Variants in ARHGEF28 observed in about 807,000 individuals in gnomAD.
ARHGEF28 encodes the protein Rho guanine nucleotide exchange factor 28.
A neutral mutation model predicts 206.6 loss-of-function variants in ARHGEF28; 152 were observed. The observed-to-expected ratio is 0.74, with a 90% CI of 0.64 to 0.84. The LOEUF (loss-of-function observed/expected upper bound fraction) is 0.84, where lower values mean the gene tolerates loss of function less well. Ranked by LOEUF, ARHGEF28 falls within the 40% of genes least tolerant of loss-of-function variation. The pLI is 0.00. For missense variants in ARHGEF28, 2,028 were observed against 2,073.2 expected, an observed-to-expected ratio of 0.98 and a Z score of 0.42; for synonymous variants, 763 against 776.4, an observed-to-expected ratio of 0.98 and a Z score of 0.29.
At chr5:73,783,710 C>T (rs139761359) in intron 7 of ARHGEF28, among the ~76,000 whole-genome samples, 13 of 152,218 alleles carry the variant, frequency 8.5e-5, no homozygotes, top group Middle Eastern at 3.4e-3. Context: ...GGGAGAAGGA[C>T]GGTGTCTCCA....
chr5:73,799,799 A>G (rs1755028660), intron 9 of ARHGEF28, among the ~76,000 whole-genome samples: 1 of 152,166 alleles, frequency 6.6e-6, no homozygotes, highest in Admixed American at 6.5e-5. Context: ...ATAGGGAGAT[A>G]GAGACACTCC....
intron 7 of ARHGEF28, among the ~76,000 whole-genome samples, chr5:73,791,039 T>C (rs899514217): frequency 1.3e-5 from 2 of 152,244 alleles, no homozygotes; most frequent in African/African-American, 4.8e-5. Flanking sequence ...AATTAGTTAA[T>C]TCTAAAAAGT....
chr5:73,904,578 C>A (rs761332650), intron 33 of ARHGEF28, 173 bp downstream of exon 33: 5 of 649,584 alleles, frequency 7.7e-6, no homozygotes, highest in African/African-American at 7.3e-5. Context: ...TAATCAGAGG[C>A]AACACCATGA....
At chr5:73,925,542 CCAGT>C (rs1368507086) in intron 35 of ARHGEF28, among the ~76,000 whole-genome samples, 1 of 152,164 alleles carries the variant, frequency 6.6e-6, no homozygotes, top group East Asian at 1.9e-4. Flanking sequence ...TGTCTACTGT[CCAGT>C]CAGTTTTGTG....
At chr5:73,849,413 T>C (rs1260389279) in intron 13 of ARHGEF28, among the ~76,000 whole-genome samples, 1 of 152,094 alleles carries the variant, frequency 6.6e-6, no homozygotes, top group African/African-American at 2.4e-5. Context: ...GGATTTTATT[T>C]GAGTAAATTA....
chr5:73,677,126 G>A (rs1456106238), intron 1 of ARHGEF28, among the ~76,000 whole-genome samples: 1 of 152,206 alleles, frequency 6.6e-6, no homozygotes, highest in African/African-American at 2.4e-5. Context: ...AGCATTGAGT[G>A]GAGTGGAGGG....
At chr5:73,709,157 T>C (rs1449685695) in intron 2 of ARHGEF28, among the ~76,000 whole-genome samples, 2 of 152,228 alleles carry the variant, frequency 1.3e-5, no homozygotes, top group African/African-American at 4.8e-5. Flanking sequence ...TGCTACAGTC[T>C]ATGTTCCACT....
rs372267016 is a variant in ARHGEF28, at chr5:73,769,396, T to C, written c.476-4459T>C. Among the ~76,000 whole-genome samples, 20 of 152,348 alleles carry C rather than the reference T, an allele frequency of 1.3e-4. No homozygotes were observed. The South Asian group carries it at 3.7e-3, about 28-fold the overall frequency. On this transcript the variant is annotated intron_variant, in intron 4 of 35. Coordinates refer to ENST00000513042, the MANE Select transcript of ARHGEF28 (RefSeq NM_001177693.2). ...CTTTTCTTTACAGTGTTACAACGTA[T>C]GTATATATGCCTAAGTAATAATTTT... is the stretch of plus-strand genomic sequence containing the variant.
At chr5:73,854,177 A>G (rs1758876925) in intron 14 of ARHGEF28, among the ~76,000 whole-genome samples, 1 of 151,694 alleles carries the variant, frequency 6.6e-6, no homozygotes, top group Admixed American at 6.6e-5. Flanking sequence ...ATCTTGTTGG[A>G]TATGCCAATA....
At chr5:73,804,829 C>G (rs1755347272) in intron 9 of ARHGEF28, among the ~76,000 whole-genome samples, 1 of 152,030 alleles carries the variant, frequency 6.6e-6, no homozygotes, top group Admixed American at 6.6e-5. Context: ...TTGATATTGA[C>G]CTTGATCACC....
At chr5:73,815,992 C>A (rs137995144) in intron 9 of ARHGEF28, among the ~76,000 whole-genome samples, 2 of 152,094 alleles carry the variant, frequency 1.3e-5, no homozygotes, top group Admixed American at 6.6e-5. Context: ...TGCTGTAATG[C>A]GAGCTGGACA....
chr5:73,733,479 C>T (rs1212944595), intron 2 of ARHGEF28, among the ~76,000 whole-genome samples: 1 of 152,126 alleles, frequency 6.6e-6, no homozygotes, highest in East Asian at 1.9e-4. Flanking sequence ...CTGACTTAAC[C>T]ATGATGCTCT....
At chr5:73,643,787 CCTGGGA>C (rs1415525803) in intron 1 of ARHGEF28, among the ~76,000 whole-genome samples, 1 of 145,618 alleles carries the variant, frequency 6.9e-6, no homozygotes, top group African/African-American at 2.7e-5. Flanking sequence ...TGCACTCCAG[CCTGGGA>C]AAAAGGGTGA....
intron 13 of ARHGEF28, among the ~76,000 whole-genome samples, chr5:73,852,121 A>C (rs1758740219): frequency 1.3e-5 from 2 of 152,146 alleles, no homozygotes; most frequent in Admixed American, 6.5e-5. Context: ...AGTCCAATGA[A>C]AAAAATGGTC....
intron 1 of ARHGEF28, among the ~76,000 whole-genome samples, chr5:73,630,672 T>A (rs1011965296): frequency 6.6e-6 from 1 of 152,206 alleles, no homozygotes; most frequent in Non-Finnish European, 1.5e-5. Context: ...GCTTTCCAGT[T>A]TTGTGACCTT....
chr5:73,919,950 T>C (rs548677622), intron 35 of ARHGEF28, among the ~76,000 whole-genome samples: 1 of 152,230 alleles, frequency 6.6e-6, no homozygotes, highest in Non-Finnish European at 1.5e-5. Flanking sequence ...TATTTCTCTC[T>C]TGTTAACTGC....
intron 2 of ARHGEF28, among the ~76,000 whole-genome samples, chr5:73,692,180 A>G (rs184745570): frequency 7.9e-5 from 12 of 152,280 alleles, no homozygotes; most frequent in African/African-American, 2.2e-4. Context: ...TATTTCTCCC[A>G]TTTCTCAAAT....
intron 2 of ARHGEF28, among the ~76,000 whole-genome samples, chr5:73,716,777 A>C (rs1749615771): frequency 6.6e-6 from 1 of 152,182 alleles, no homozygotes; most frequent in Non-Finnish European, 1.5e-5. Context: ...CTTGGAGAAA[A>C]TGTCTGTTTC....
chr5:73,863,115 A>AC (rs1366322819), intron 16 of ARHGEF28: 2 of 152,078 alleles, frequency 1.3e-5, no homozygotes, highest in African/African-American at 2.4e-5. Context: ...GGCCAACCTG[A>AC]CCCTATTCCT....
Sources: gnomAD v4.1 joint callset for allele counts (sites outside exome capture counted in the v4.1 genomes callset) on GRCh38, gnomAD v4.1.1 for gene constraint, MANE v1.5 for transcripts, NCBI Gene and HGNC (gene_info 2026-07-23, HGNC 2026-07-21) for gene names.